Variants in IQCH observed in about 807,000 individuals in gnomAD.
The protein encoded by IQCH is IQ domain-containing protein H.
In IQCH, 98 loss-of-function variants were observed where a neutral mutation model predicts 117.0. The ratio of observed to expected loss-of-function variants is 0.84; its 90% CI spans 0.71 to 0.99. The LOEUF (loss-of-function observed/expected upper bound fraction) is 0.99. Among genes scored for constraint, IQCH ranks in the 50% least tolerant of loss-of-function variants. The pLI is 0.00. For synonymous variants in IQCH, 412 were observed against 448.2 expected, an observed-to-expected ratio of 0.92 and a Z score of 1.02; for missense variants, 1,102 against 1,243.8, an observed-to-expected ratio of 0.89 and a Z score of 1.72.
At position 67,496,692 on chromosome 15, in the gene IQCH, A is replaced by G. The variant is rs1468819064; in HGVS notation, c.2970+2326A>G. On this transcript the variant is annotated intron_variant, in intron 20 of 20. Transcript: ENST00000335894. The surrounding 1 kb of genome is among the most constrained non-coding windows in gnomAD (Gnocchi z 4.4). ...AGACCTCATCTCTACTAAGAAGAAG[A>G]AGAAGGAGAAGGAGAAAAGAAGAAG... Among the ~76,000 whole-genome samples the G allele has an allele frequency of 2.0e-5, 3 of 151,928 alleles. No individual in the cohort carries two copies. The highest frequency in any genetic ancestry group is 4.8e-5 in the African/African-American group (2 of 41,412).
rs535404834 is a variant in IQCH, at chr15:67,306,307, C to T, written c.387+26795C>T. ...GATTTACCACTTATAAAAATCATTT[C>T]AAAAGCACTTACCCAAACTAGAGTA... is the stretch of plus-strand genomic sequence containing the variant. On this transcript the variant is annotated intron_variant, in intron 4 of 20. Coordinates refer to ENST00000335894, the MANE Select transcript of IQCH (RefSeq NM_001031715.3). Among the ~76,000 whole-genome samples, 38 of 152,178 alleles carry T rather than the reference C, an allele frequency of 2.5e-4. No individual in the cohort carries two copies. The South Asian group carries it at 7.5e-3, about 30-fold the overall frequency.
intron 6 of IQCH, among the ~76,000 whole-genome samples, chr15:67,347,328 G>A (rs888471048): frequency 6.6e-6 from 1 of 151,922 alleles, no homozygotes; most frequent in Non-Finnish European, 1.5e-5. Flanking sequence ...ACCAGTATCA[G>A]GAACAAAAGA....
At chr15:67,274,217 T>A (rs1173207076) in intron 3 of IQCH, among the ~76,000 whole-genome samples, 1 of 152,222 alleles carries the variant, frequency 6.6e-6, no homozygotes, top group African/African-American at 2.4e-5. Context: ...TCTAAAGTTT[T>A]CAAAAGTTTT....
At chr15:67,331,875 T>A (rs1005729043) in intron 4 of IQCH, among the ~76,000 whole-genome samples, 19 of 152,228 alleles carry the variant, frequency 1.2e-4, no homozygotes, top group African/African-American at 4.1e-4. Context: ...TCTGAGGACA[T>A]GACCCAGAGG....
chr15:67,400,785 C>T (rs1341746585), intron 14 of IQCH, among the ~76,000 whole-genome samples: 1 of 151,996 alleles, frequency 6.6e-6, no homozygotes, highest in Non-Finnish European at 1.5e-5. Context: ...AAGTATGAGC[C>T]ACAATTTGGG....
At chr15:67,281,642 A>C (rs962076726) in intron 4 of IQCH, 6 of 453,044 alleles carry the variant, frequency 1.3e-5, no homozygotes, top group Admixed American at 2.4e-5. Flanking sequence ...AAATGACTGG[A>C]AAGGGGAGGC....
intron 5 of IQCH, 54 bp downstream of exon 5, chr15:67,337,149 T>C: frequency 6.2e-7 from 1 of 1,601,832 alleles, no homozygotes; most frequent in South Asian, 1.1e-5. Context: ...GAAAGAGCAT[T>C]GAGGTAGGAT....
rs556906074 is a variant in IQCH at position 67,273,905 on chromosome 15, T to G, written c.270-5490T>G. ...TTGTCCGTCTGGGAAAGACTTTATC[T>G]TAGCATATTTGAAGGATACCTCTGA... On this transcript the variant is annotated intron_variant, in intron 3 of 20. Transcript: ENST00000335894. Among the ~76,000 whole-genome samples the G allele has an allele frequency of 1.1e-4, 17 of 152,360 alleles. No homozygotes were observed. In the South Asian group the frequency reaches 2.1e-3, roughly 19 times the overall value.
At chr15:67,294,298 G>C (rs1966840838) in intron 4 of IQCH, among the ~76,000 whole-genome samples, 1 of 152,126 alleles carries the variant, frequency 6.6e-6, no homozygotes, top group Admixed American at 6.5e-5. Flanking sequence ...TGCCATGGTT[G>C]TGGCAGAAAT....
chr15:67,278,733 G>A (rs1966229976), intron 3 of IQCH, among the ~76,000 whole-genome samples: 1 of 152,204 alleles, frequency 6.6e-6, no homozygotes, highest in Admixed American at 6.5e-5. Flanking sequence ...ATAGAATCAA[G>A]TTATTGAGTT....
chr15:67,433,987 T>G lies in IQCH; in HGVS notation c.2505+12410T>G, dbSNP rs779411385. Among the ~76,000 whole-genome samples, 4 of 152,220 alleles carry G rather than the reference T, an allele frequency of 2.6e-5. No homozygotes were observed. The highest frequency in any genetic ancestry group is 2.9e-5 in the Non-Finnish European group (2 of 68,034). ...CCAAAAAAAGTATTTTTATTTAAGG[T>G]GTACAACATGATATTTCAATATAAT... is the stretch of plus-strand genomic sequence containing the variant. On this transcript the variant is annotated intron_variant, in intron 16 of 20. Transcript: ENST00000335894. The surrounding 1 kb of genome is among the most constrained non-coding windows in gnomAD (Gnocchi z 5.4).
chr15:67,313,455 G>A (rs1967698697), intron 4 of IQCH, among the ~76,000 whole-genome samples: 1 of 152,116 alleles, frequency 6.6e-6, no homozygotes, highest in African/African-American at 2.4e-5. Flanking sequence ...TTGGTTCCTT[G>A]TGGAACCACT....
At chr15:67,373,537 T>G in intron 10 of IQCH, 104 bp downstream of exon 10, 1 of 807,772 alleles carries the variant, frequency 1.2e-6, no homozygotes, top group Non-Finnish European at 2.2e-6. Context: ...TTCAAATTGG[T>G]CTCGGCAGGA....
chr15:67,359,845 A>G lies in IQCH; in HGVS notation c.715-2A>G. 1 of 1,524,386 alleles carries G rather than the reference A, an allele frequency of 6.6e-7. No homozygotes were observed. The allele number at this position is 1,524,386 out of a possible 1,614,324, so 94.4% of individuals were successfully genotyped here. On this transcript the variant is annotated splice_acceptor_variant, in intron 7 of 20. Coordinates refer to ENST00000335894, the MANE Select transcript of IQCH (RefSeq NM_001031715.3). LOFTEE classifies it high-confidence loss of function. This position sits in a 1 kb window ranked among gnomAD's most constrained non-coding sequence, Gnocchi z 4.5. ...TAAACTGTGTCTCATTCTTCATTGT[A>G]GGGGAAAAGCAGAAGGTCAAGAGGA...
chr15:67,354,556 A>G (rs1455419996), intron 6 of IQCH, among the ~76,000 whole-genome samples: 1 of 152,192 alleles, frequency 6.6e-6, no homozygotes, highest in Admixed American at 6.5e-5. Context: ...GAGACAAGTC[A>G]AGGATGATCA....
rs1218647720 is a variant in IQCH at position 67,401,198 on chromosome 15, G to T, written c.2097+893G>T. Among the ~76,000 whole-genome samples, 1 of 152,206 alleles carries T rather than the reference G, an allele frequency of 6.6e-6. No homozygotes were observed. The highest frequency in any genetic ancestry group is 1.5e-5 in the Non-Finnish European group (1 of 68,034). ...GTCTTAGCATGAATGGACGTGTATA[G>T]ATTTTTTCCATGCACATTTGTGAAG... On this transcript the variant is annotated intron_variant, in intron 14 of 20. Transcript: ENST00000335894. The surrounding 1 kb of genome is among the most constrained non-coding windows in gnomAD (Gnocchi z 4.7).
In IQCH at chr15:67,391,384, A is replaced by C. The variant is rs1398730037; in HGVS notation, c.1632+2378A>C. ...GTTGTTAATGGGTTTGAGAGATTGT[A>C]TCAGTGCTGATTTTCATTTAAATGG... On this transcript the variant is annotated intron_variant, in intron 12 of 20. Coordinates refer to ENST00000335894, the MANE Select transcript of IQCH (RefSeq NM_001031715.3). This position sits in a 1 kb window ranked among gnomAD's most constrained non-coding sequence, Gnocchi z 4.3. 1.3e-5 allele frequency among the ~76,000 whole-genome samples: 2 copies of C among 152,224 alleles called. No individual in the cohort carries two copies.
chr15:67,333,252 C>G (rs1968744848), intron 4 of IQCH, among the ~76,000 whole-genome samples: 1 of 152,204 alleles, frequency 6.6e-6, no homozygotes, highest in Non-Finnish European at 1.5e-5. Flanking sequence ...CATTTATTTA[C>G]AAATTGTCTG....
intron 4 of IQCH, among the ~76,000 whole-genome samples, chr15:67,299,380 G>A (rs922783498): frequency 2.6e-5 from 4 of 151,944 alleles, no homozygotes; most frequent in South Asian, 4.2e-4. Context: ...ACGCTGGCTG[G>A]TCACTCTGTT....
Sources: allele counts gnomAD v4.1 joint callset (sites outside exome capture counted in the v4.1 genomes callset), GRCh38; gene constraint gnomAD v4.1.1; non-coding constraint Gnocchi (gnomAD v3.1); transcripts MANE v1.5; gene names NCBI Gene and HGNC (gene_info 2026-07-23, HGNC 2026-07-21).